The following SLC24A2 variants were observed in gnomAD, a reference collection of about 807,000 sequenced individuals.
The protein encoded by SLC24A2 is sodium/potassium/calcium exchanger 2.
A neutral mutation model predicts 62.0 loss-of-function variants in SLC24A2; 36 were observed. That is an observed-to-expected ratio of 0.58 (90% confidence interval 0.44 to 0.77). SLC24A2 has a LOEUF of 0.77. SLC24A2 is among the 30% of genes least tolerant of loss of function. The probability of loss-of-function intolerance (pLI) is 0.00; values close to 1 mark genes in which losing one functional copy is unlikely to be tolerated. For synonymous variants in SLC24A2, 358 were observed against 294.0 expected, an observed-to-expected ratio of 1.22 and a Z score of -2.23; for missense variants, 846 against 817.9, an observed-to-expected ratio of 1.03 and a Z score of -0.42.
chr9:20,107,578 A>C, the SLC24A2 span, among the ~76,000 whole-genome samples: 106 of 152,302 alleles, frequency 7.0e-4, no homozygotes, highest in South Asian at 4.4e-3. Flanking sequence ...AAACCTGAGA[A>C]AAACAAGCAA....
chr9:19,780,123 T>A (rs1431589566), intron 2 of SLC24A2, among the ~76,000 whole-genome samples: 1 of 152,172 alleles, frequency 6.6e-6, no homozygotes, highest in East Asian at 1.9e-4. Flanking sequence ...AGGTAGAGCT[T>A]AAATTCTAGA....
At chr9:19,756,135 A>G (rs1822135046) in intron 2 of SLC24A2, among the ~76,000 whole-genome samples, 5 of 152,180 alleles carry the variant, frequency 3.3e-5, no homozygotes. Flanking sequence ...TAACCTTCAA[A>G]TTTGAGCACT....
chr9:19,572,259 CAAAAAAAAAA>C (rs34529143), intron 7 of SLC24A2, among the ~76,000 whole-genome samples: 1 of 69,784 alleles, frequency 1.4e-5, no homozygotes, highest in Non-Finnish European at 2.6e-5. Context: ...GAGTCCGTCT[CAAAAAAAAAA>C]AAAAAAAAAA....
the SLC24A2 span, among the ~76,000 whole-genome samples, chr9:19,937,900 A>G: frequency 2.6e-5 from 4 of 152,232 alleles, no homozygotes; most frequent in Middle Eastern, 3.2e-3. Context: ...AAAGTCAAAT[A>G]TAACTTTTAC....
intron 2 of SLC24A2, among the ~76,000 whole-genome samples, chr9:19,708,533 G>T (rs1296385840): frequency 6.6e-6 from 1 of 152,164 alleles, no homozygotes; most frequent in African/African-American, 2.4e-5. Context: ...AACCAAAACA[G>T]CATGGTACTG....
chr9:19,860,584 A>G, the SLC24A2 span, among the ~76,000 whole-genome samples: 5 of 152,140 alleles, frequency 3.3e-5, no homozygotes, highest in African/African-American at 1.2e-4. Context: ...ATAAAACTTT[A>G]TCTTGCACCT....
the SLC24A2 span, among the ~76,000 whole-genome samples, chr9:20,031,459 T>C: frequency 6.7e-6 from 1 of 150,140 alleles, no homozygotes; most frequent in Non-Finnish European, 1.5e-5. Flanking sequence ...TCATGGTGCA[T>C]TGAAATGCTA....
chr9:20,135,172 T>G, the SLC24A2 span, among the ~76,000 whole-genome samples: 1 of 152,140 alleles, frequency 6.6e-6, no homozygotes, highest in Admixed American at 6.5e-5. Context: ...TCCCAATCCT[T>G]TTGGAAACTG....
At chr9:20,052,297 C>T in the SLC24A2 span, among the ~76,000 whole-genome samples, 1 of 152,256 alleles carries the variant, frequency 6.6e-6, no homozygotes, top group South Asian at 2.1e-4. Context: ...GGCCTTTCTC[C>T]CCCAACTAAG....
the SLC24A2 span, among the ~76,000 whole-genome samples, chr9:20,034,784 A>T: frequency 1.3e-5 from 2 of 152,172 alleles, no homozygotes; most frequent in Non-Finnish European, 2.9e-5. Context: ...TTAAGATTTA[A>T]GAACCAGTAG....
the SLC24A2 span, among the ~76,000 whole-genome samples, chr9:20,221,128 A>G: frequency 6.6e-6 from 1 of 152,140 alleles, no homozygotes; most frequent in African/African-American, 2.4e-5. Context: ...AATCAGAAGA[A>G]GAAGAAAACA....
At chr9:19,731,339 C>A (rs150262847) in intron 2 of SLC24A2, among the ~76,000 whole-genome samples, 1 of 152,114 alleles carries the variant, frequency 6.6e-6, no homozygotes, top group Non-Finnish European at 1.5e-5. Context: ...TGTTTGTGTA[C>A]CAACCCCACC....
chr9:19,872,309 A>G, the SLC24A2 span, among the ~76,000 whole-genome samples: 6 of 152,204 alleles, frequency 3.9e-5, no homozygotes, highest in African/African-American at 1.4e-4. Flanking sequence ...AAGGAGATGG[A>G]GTTCTCAGTA....
chr9:19,991,436 G>C, the SLC24A2 span, among the ~76,000 whole-genome samples: 1 of 152,132 alleles, frequency 6.6e-6, no homozygotes, highest in Non-Finnish European at 1.5e-5. Flanking sequence ...AGGTGGGTCT[G>C]CCTCTCCCAG....
intron 2 of SLC24A2, among the ~76,000 whole-genome samples, chr9:19,637,855 G>A (rs971898540): frequency 1.3e-5 from 2 of 152,120 alleles, no homozygotes; most frequent in Admixed American, 6.5e-5. Context: ...CGGTGGGAGA[G>A]GACAGGTGTG....
At position 19,515,863 on chromosome 9, in the gene SLC24A2, C is replaced by T. The variant is rs993260557; in HGVS notation, c.*290G>A. On this transcript the variant is annotated 3_prime_UTR_variant, in exon 11 of 11. Coordinates refer to ENST00000341998, the MANE Select transcript of SLC24A2 (RefSeq NM_020344.4). Reference sequence around the variant, plus strand: ...ATATAGCCTGTGTCCTTGTTTGCATCGACTGTACCTCCGACCAGCGAGGTG... The same window carrying T: ...ATATAGCCTGTGTCCTTGTTTGCATTGACTGTACCTCCGACCAGCGAGGTG... The T allele has an allele frequency of 1.4e-4, 58 of 428,072 alleles. No homozygotes were observed. Among genetic ancestry groups the T allele is most frequent in the South Asian group, 9.7e-4 (46 of 47,250 alleles). The allele number at this position is 428,072 out of a possible 1,614,324, so 26.5% of individuals were successfully genotyped here.
the SLC24A2 span, among the ~76,000 whole-genome samples, chr9:19,918,141 T>C: frequency 5.1e-4 from 1 of 1,956 alleles, no homozygotes; most frequent in Non-Finnish European, 0.042. Context: ...ACTGACATTA[T>C]GTGTGTGTGT....
chr9:20,305,674 C>A, the SLC24A2 span, among the ~76,000 whole-genome samples: 65 of 152,312 alleles, frequency 4.3e-4, no homozygotes, highest in African/African-American at 1.3e-3. Flanking sequence ...GCATATAACT[C>A]TGCGAAGTCA....
chr9:19,963,605 A>G, the SLC24A2 span, among the ~76,000 whole-genome samples: 3 of 152,356 alleles, frequency 2.0e-5, no homozygotes, highest in South Asian at 4.1e-4. Context: ...GCAGCCAAAA[A>G]ACACATGAAA....
Sources: allele counts gnomAD v4.1 joint callset (sites outside exome capture counted in the v4.1 genomes callset), GRCh38; gene constraint gnomAD v4.1.1; transcripts MANE v1.5; gene names NCBI Gene and HGNC (gene_info 2026-07-23, HGNC 2026-07-21).